Variants in DLGAP1 observed in about 807,000 individuals in gnomAD.
DLGAP1 encodes the protein DLG associated protein 1, also known as disks large-associated protein 1.
Under a neutral mutation model 90.8 loss-of-function variants are expected in DLGAP1, and 11 were observed. The ratio of observed to expected loss-of-function variants is 0.12; its 90% CI spans 0.08 to 0.20. The LOEUF (loss-of-function observed/expected upper bound fraction) is 0.20. Among genes scored for constraint, DLGAP1 ranks in the 10% least tolerant of loss-of-function variants. The pLI is 1.00. For synonymous variants in DLGAP1, 558 were observed against 540.7 expected (o/e 1.03, Z -0.44); for missense variants, 1,050 against 1,333.8 (o/e 0.79, Z 3.31).
In DLGAP1 at chr18:3,498,733, C is replaced by T. The variant is rs2049777517; in HGVS notation, c.*452G>A. The T allele has an allele frequency of 6.3e-6, 1 of 158,428 alleles. No individual in the cohort carries two copies. The highest frequency in any genetic ancestry group is 1.4e-5 in the Non-Finnish European group (1 of 72,322). 9.8% of individuals were successfully genotyped at this position (158,428 alleles called of 1,614,324 possible). ...ACCATTTAGGGGAAATAAAGGGAAT[C>T]GGAGGCCTAGTTTCTTTCACGTGGA... is the stretch of plus-strand genomic sequence containing the variant. On this transcript the variant is annotated 3_prime_UTR_variant, in exon 13 of 13. Coordinates refer to ENST00000315677, the MANE Select transcript of DLGAP1 (RefSeq NM_004746.4).
At chr18:4,238,352 T>G (rs1268300052) in intron 1 of DLGAP1, among the ~76,000 whole-genome samples, 1 of 152,176 alleles carries the variant, frequency 6.6e-6, no homozygotes, top group South Asian at 2.1e-4. Flanking sequence ...ATACATAGAA[T>G]AAAAAAGCCT....
intron 1 of DLGAP1, among the ~76,000 whole-genome samples, chr18:4,375,193 T>C (rs1231687062): frequency 1.3e-5 from 2 of 152,156 alleles, no homozygotes; most frequent in African/African-American, 4.8e-5. Flanking sequence ...ATTTGGTAGT[T>C]TTCACCTAAG....
At chr18:3,903,902 A>G (rs1159534836) in intron 3 of DLGAP1, among the ~76,000 whole-genome samples, 1 of 152,238 alleles carries the variant, frequency 6.6e-6, no homozygotes, top group East Asian at 1.9e-4. Context: ...TTCTAGAACT[A>G]TTCTGCAAAA....
intron 7 of DLGAP1, among the ~76,000 whole-genome samples, chr18:3,681,335 A>G (rs1042123388): frequency 4.6e-5 from 7 of 152,232 alleles, no homozygotes; most frequent in Admixed American, 3.9e-4. Context: ...GGATTTTCAG[A>G]GAGAAAACTA....
intron 9 of DLGAP1, among the ~76,000 whole-genome samples, chr18:3,556,395 G>A (rs927840709): frequency 1.2e-4 from 18 of 152,108 alleles, no homozygotes; most frequent in African/African-American, 4.3e-4. Flanking sequence ...TCGTTTCACT[G>A]CCCCAGACAT....
intron 7 of DLGAP1, among the ~76,000 whole-genome samples, chr18:3,657,132 G>A (rs1239797863): frequency 3.3e-5 from 5 of 152,168 alleles, no homozygotes; most frequent in Admixed American, 2.0e-4. Context: ...CTTTTTATAA[G>A]TCATAGTTAA....
chr18:4,279,108 A>C (rs1222076250), intron 1 of DLGAP1, among the ~76,000 whole-genome samples: 2 of 152,220 alleles, frequency 1.3e-5, no homozygotes, highest in African/African-American at 4.8e-5. Context: ...CATGCAGAAC[A>C]AGCGCTGGAC....
Position 4,050,222 on chromosome 18 carries a change from C to T in DLGAP1, c.-158-45021G>A, listed in dbSNP as rs78620061. Among the ~76,000 whole-genome samples, 570 of 152,070 alleles carry T rather than the reference C, an allele frequency of 3.7e-3. 3 individuals are homozygous for T. Among genetic ancestry groups the T allele is most frequent in the East Asian group, 0.026 (134 of 5,176 alleles). On this transcript the variant is annotated intron_variant, in intron 2 of 12. Coordinates refer to ENST00000315677, the MANE Select transcript of DLGAP1 (RefSeq NM_004746.4). Reference sequence around the variant, plus strand: ...TGCACACAGCTTTACTCTGTGGAGGCAAAACAGACTAGTATTTTCAGTTCT... The same window carrying T: ...TGCACACAGCTTTACTCTGTGGAGGTAAAACAGACTAGTATTTTCAGTTCT...
chr18:3,656,726 T>C (rs968026817), intron 7 of DLGAP1, among the ~76,000 whole-genome samples: 1 of 151,870 alleles, frequency 6.6e-6, no homozygotes, highest in Non-Finnish European at 1.5e-5. Context: ...TTTATGCACC[T>C]TTGCAGTGAA....
At chr18:4,396,634 T>C (rs2082448586) in intron 1 of DLGAP1, among the ~76,000 whole-genome samples, 1 of 152,120 alleles carries the variant, frequency 6.6e-6, no homozygotes, top group South Asian at 2.1e-4. Context: ...AGCAATTTGG[T>C]TGGTTCACTT....
intron 1 of DLGAP1, among the ~76,000 whole-genome samples, chr18:4,421,627 A>C (rs1208363229): frequency 6.6e-6 from 1 of 152,180 alleles, no homozygotes. Context: ...TTAAATTAGC[A>C]TGATGTCTTC....
At chr18:3,752,635 C>T (rs1213719898) in intron 5 of DLGAP1, among the ~76,000 whole-genome samples, 1 of 146,268 alleles carries the variant, frequency 6.8e-6, no homozygotes. Context: ...CCTCCCCACC[C>T]CCCTCTCTCT....
At chr18:3,590,539 G>A (rs181951211) in intron 7 of DLGAP1, among the ~76,000 whole-genome samples, 1 of 152,212 alleles carries the variant, frequency 6.6e-6, no homozygotes, top group East Asian at 1.9e-4. Flanking sequence ...GTGTCACAGT[G>A]CAGGGTGACA....
At chr18:3,936,127 C>G (rs929683738) in intron 3 of DLGAP1, among the ~76,000 whole-genome samples, 2 of 152,174 alleles carry the variant, frequency 1.3e-5, no homozygotes, top group African/African-American at 4.8e-5. Flanking sequence ...AGAGACTTAT[C>G]TGCCACATCA....
chr18:3,792,108 T>C (rs984456772), intron 5 of DLGAP1, among the ~76,000 whole-genome samples: 4 of 152,158 alleles, frequency 2.6e-5, no homozygotes, highest in Non-Finnish European at 4.4e-5. Context: ...GCCCCAGCCC[T>C]GTAACCAGCT....
intron 6 of DLGAP1, among the ~76,000 whole-genome samples, chr18:3,741,761 G>GT (rs768399440): frequency 3.4e-4 from 52 of 151,788 alleles, no homozygotes; most frequent in Admixed American, 5.9e-4. Flanking sequence ...TCTTTCCTAT[G>GT]TTTTTTTGCC....
At chr18:3,993,768 C>A (rs776587233) in intron 3 of DLGAP1, among the ~76,000 whole-genome samples, 1 of 152,098 alleles carries the variant, frequency 6.6e-6, no homozygotes, top group African/African-American at 2.4e-5. Flanking sequence ...GATCACTGAC[C>A]AAGCTTCCCC....
At chr18:3,845,685 G>T in intron 4 of DLGAP1, 1 of 847,488 alleles carries the variant, frequency 1.2e-6, no homozygotes, top group Non-Finnish European at 1.4e-6. Flanking sequence ...CTGTCAAATG[G>T]AAGTCCCCAT....
Position 3,879,820 on chromosome 18 carries a change from G to C in DLGAP1, c.249C>G (p.Asp83Glu). 1 of 1,608,336 alleles carries C rather than the reference G, an allele frequency of 6.2e-7. No homozygotes were observed. Among genetic ancestry groups the C allele is most frequent in the East Asian group, 2.2e-5 (1 of 44,870 alleles). Reference protein sequence around the residue: ...RHYTSQQELKDECALVPRTLA... With the variant: ...RHYTSQQELKEECALVPRTLA... ...GGGTGCGGGGCACCAGGGCACACTC[G>C]TCCTTCAGCTCTTGCTGCGAGGTGT... The change falls in exon 4 of 13, where the codon GAC (aspartate) becomes GAG (glutamate). Residue 83 changes from aspartate (D) to glutamate (E), a missense_variant. By Grantham distance (45) the Asp-to-Glu change is conservative. This residue lies in a region of DLGAP1 where 485 missense variants were observed against 454.1 expected (regional missense o/e 1.07). Transcript: ENST00000315677. This position sits in a 1 kb window ranked among gnomAD's most constrained non-coding sequence, Gnocchi z 6.6.
Sources: allele counts gnomAD v4.1 joint callset (sites outside exome capture counted in the v4.1 genomes callset), GRCh38; gene constraint gnomAD v4.1.1; regional missense constraint gnomAD v4.1.1; non-coding constraint Gnocchi (gnomAD v3.1); transcripts MANE v1.5; gene names NCBI Gene and HGNC (gene_info 2026-07-23, HGNC 2026-07-21).